MYO1E: variants seen among roughly 807,000 people sequenced by gnomAD.
The protein encoded by MYO1E is unconventional myosin-Ie.
In MYO1E, 68 loss-of-function variants were observed where a neutral mutation model predicts 151.1. The ratio of observed to expected loss-of-function variants is 0.45; its 90% CI spans 0.37 to 0.55. The LOEUF is 0.55. Ranked by LOEUF, MYO1E falls within the 20% of genes least tolerant of loss-of-function variation. The probability of loss-of-function intolerance (pLI) is 0.00; values close to 1 mark genes in which losing one functional copy is unlikely to be tolerated. For missense variants in MYO1E, 1,363 were observed against 1,389.3 expected (o/e 0.98, Z 0.30); for synonymous variants, 601 against 501.7 (o/e 1.20, Z -2.64).
intron 26 of MYO1E, among the ~76,000 whole-genome samples, chr15:59,149,048 T>TTTG (rs2079459383): frequency 1.5e-4 from 9 of 59,660 alleles, no homozygotes; most frequent in African/African-American, 3.6e-4. Context: ...GTTTTTTTTT[T>TTTG]TTTGTTTTTT....
chr15:59,145,894 C>G (rs140802904), intron 26 of MYO1E, among the ~76,000 whole-genome samples: 213 of 152,332 alleles, frequency 1.4e-3, no homozygotes, highest in African/African-American at 4.5e-3. Context: ...CTTTTCCTCC[C>G]TGGAGTGCCC....
chr15:59,155,500 A>G (rs938903400), intron 25 of MYO1E, among the ~76,000 whole-genome samples: 17 of 152,030 alleles, frequency 1.1e-4, no homozygotes, highest in African/African-American at 3.6e-4. Flanking sequence ...CATTTTTTTG[A>G]TGAAGGAACT....
intron 1 of MYO1E, among the ~76,000 whole-genome samples, chr15:59,288,418 C>T (rs2080399883): frequency 6.6e-6 from 1 of 152,196 alleles, no homozygotes; most frequent in African/African-American, 2.4e-5. Flanking sequence ...TTCAAGCGAT[C>T]TTCCTGCCTT....
intron 1 of MYO1E, among the ~76,000 whole-genome samples, chr15:59,342,281 T>C (rs1416145755): frequency 6.6e-6 from 1 of 152,246 alleles, no homozygotes; most frequent in African/African-American, 2.4e-5. Flanking sequence ...ATTAAACCCT[T>C]GTGAGATGGA....
At chr15:59,255,675 A>G (rs2080190132) in intron 4 of MYO1E, among the ~76,000 whole-genome samples, 1 of 152,198 alleles carries the variant, frequency 6.6e-6, no homozygotes, top group Non-Finnish European at 1.5e-5. Context: ...CATAAAATAC[A>G]CTAACACAAA....
At chr15:59,182,051 C>G (rs1204316730) in intron 18 of MYO1E, among the ~76,000 whole-genome samples, 1 of 152,134 alleles carries the variant, frequency 6.6e-6, no homozygotes, top group Non-Finnish European at 1.5e-5. Flanking sequence ...TGTGTTCTCT[C>G]CAGAGAAATA....
rs758478367 is a variant in MYO1E, at chr15:59,231,788, C to A, written c.424G>T (p.Val142Leu). 1 of 1,614,104 alleles carries A rather than the reference C, an allele frequency of 6.2e-7. No homozygotes were observed. The highest frequency in any genetic ancestry group is 1.1e-5 in the South Asian group (1 of 91,082). ...VSGGGTKVQHVKDIILQSNPL... is the reference protein window; with the variant it reads ...VSGGGTKVQHLKDIILQSNPL... ...TTGGACTGCAGGATAATGTCCTTCACGTGCTGTCCCAGCAAATAGACCGGA... is the reference window on the plus strand; with the variant it reads ...TTGGACTGCAGGATAATGTCCTTCAAGTGCTGTCCCAGCAAATAGACCGGA... Residue 142 changes from valine (V) to leucine (L), a missense_variant, in exon 6 of 28, where the codon GTG becomes TTG. By Grantham distance (32) the Val-to-Leu change is conservative. Transcript: ENST00000288235.
At chr15:59,178,879 T>A (rs1030076500) in intron 18 of MYO1E, among the ~76,000 whole-genome samples, 5 of 152,222 alleles carry the variant, frequency 3.3e-5, no homozygotes, top group African/African-American at 1.2e-4. Context: ...AACGGTCTTG[T>A]CTCAATAATC....
chr15:59,275,474 T>C (rs1352830230), intron 1 of MYO1E, among the ~76,000 whole-genome samples: 1 of 152,096 alleles, frequency 6.6e-6, no homozygotes, highest in African/African-American at 2.4e-5. Context: ...TAGTTACATA[T>C]GTGAACTCAT....
At chr15:59,369,592 C>A (rs2140446528) in intron 1 of MYO1E, among the ~76,000 whole-genome samples, 1 of 152,248 alleles carries the variant, frequency 6.6e-6, no homozygotes, top group African/African-American at 2.4e-5. Context: ...AAACAACCTC[C>A]ACTAAATTAT....
intron 8 of MYO1E, among the ~76,000 whole-genome samples, chr15:59,224,134 T>C (rs1322234563): frequency 1.3e-5 from 2 of 152,204 alleles, no homozygotes; most frequent in African/African-American, 2.4e-5. Flanking sequence ...TTCTACATTA[T>C]TGCCCCCAGG....
rs2079520746 is a variant in MYO1E at position 59,158,498 on chromosome 15, CAGG to C, written c.2786-122_2786-120del. 7.8e-6 allele frequency: 6 copies of C among 769,720 alleles called. No individual in the cohort carries two copies. The Admixed American group carries it at 1.2e-4, about 16-fold the overall frequency. 47.7% of individuals were successfully genotyped at this position (769,720 alleles called of 1,614,324 possible). A position where few individuals can be genotyped will look rare whatever the true frequency, so the allele number is the denominator to read the frequency against. On this transcript the variant is annotated intron_variant, in intron 24 of 27. Transcript: ENST00000288235. Reference sequence around the variant, plus strand: ...GGATTCCAGCTCTCAGGTGGATCTGCAGGAGAACAGTTGCAGTGGAGAAGGAGC... The same window carrying C: ...GGATTCCAGCTCTCAGGTGGATCTGCAGAACAGTTGCAGTGGAGAAGGAGC...
In MYO1E at chr15:59,137,350, T is replaced by A. The variant is rs368599856; in HGVS notation, c.*30A>T. 2.5e-5 allele frequency: 40 copies of A among 1,602,836 alleles called. No individual in the cohort carries two copies. In the African/African-American group the frequency reaches 5.1e-4, roughly 20 times the overall value. ...TCCCCTGGTCTGTGCCTGGAGCTCC[T>A]CTGCCCCATGTGTCAGAGTCACGGG... On this transcript the variant is annotated 3_prime_UTR_variant, in exon 28 of 28. Coordinates refer to ENST00000288235, the MANE Select transcript of MYO1E (RefSeq NM_004998.4).
In MYO1E at chr15:59,372,838, G is replaced by A. The variant is rs1424653617; in HGVS notation, c.-338C>T. Reference sequence around the variant, plus strand: ...TCCCCTGCCTCACTCCTCTTTCTTCGGCCACTTAATCCGTACTCCTCTGGC... The same window carrying A: ...TCCCCTGCCTCACTCCTCTTTCTTCAGCCACTTAATCCGTACTCCTCTGGC... On this transcript the variant is annotated 5_prime_UTR_variant, in exon 1 of 28. Transcript: ENST00000288235. The A allele has an allele frequency of 1.1e-5, 5 of 438,308 alleles. No homozygotes were observed. The highest frequency in any genetic ancestry group is 2.0e-5 in the Non-Finnish European group (5 of 245,850). The allele number at this position is 438,308 out of a possible 1,614,324, so 27.2% of individuals were successfully genotyped here. A position where few individuals can be genotyped will look rare whatever the true frequency, so the allele number is the denominator to read the frequency against.
chr15:59,341,438 A>G (rs779895491), intron 1 of MYO1E: 1 of 151,994 alleles, frequency 6.6e-6, no homozygotes, highest in Non-Finnish European at 1.5e-5. Context: ...GCTCTTATTC[A>G]TTCTATTATT....
chr15:59,226,093 A>G (rs2079989618), intron 7 of MYO1E, among the ~76,000 whole-genome samples: 1 of 152,116 alleles, frequency 6.6e-6, no homozygotes. Context: ...TCCATTATAC[A>G]CTTCCATCTA....
At chr15:59,257,110 TGAC>T (rs2080198074) in intron 3 of MYO1E, among the ~76,000 whole-genome samples, 1 of 152,252 alleles carries the variant, frequency 6.6e-6, no homozygotes, top group African/African-American at 2.4e-5. Flanking sequence ...ATTATCAGGC[TGAC>T]TTCAGCCCTG....
At chr15:59,233,197 C>A (rs1198395160) in intron 5 of MYO1E, among the ~76,000 whole-genome samples, 2 of 152,132 alleles carry the variant, frequency 1.3e-5, no homozygotes, top group African/African-American at 4.8e-5. Flanking sequence ...CCAGAATCTT[C>A]TTCTATCTTT....
chr15:59,360,957 C>T (rs1273583149), intron 1 of MYO1E, among the ~76,000 whole-genome samples: 1 of 152,228 alleles, frequency 6.6e-6, no homozygotes, highest in Admixed American at 6.5e-5. Context: ...GTGTGACTTG[C>T]TTCAGCCAAT....
Sources: allele counts gnomAD v4.1 joint callset (sites outside exome capture counted in the v4.1 genomes callset), GRCh38; gene constraint gnomAD v4.1.1; transcripts MANE v1.5; gene names NCBI Gene and HGNC (gene_info 2026-07-23, HGNC 2026-07-21).